SET: variants seen among roughly 807,000 people sequenced by gnomAD.
SET encodes SET nuclear proto-oncogene, also known as protein SET.
A neutral mutation model predicts 39.0 loss-of-function variants in SET; 4 were observed. The ratio of observed to expected loss-of-function variants is 0.10; its 90% CI spans 0.05 to 0.23. The LOEUF (loss-of-function observed/expected upper bound fraction) is 0.23, where lower values mean the gene tolerates loss of function less well. Ranked by LOEUF, SET falls within the 10% of genes least tolerant of loss-of-function variation. The pLI, the probability that SET is intolerant of heterozygous loss-of-function variation, is 1.00. For synonymous variants in SET, 114 were observed against 115.9 expected (o/e 0.98, Z 0.11); for missense variants, 137 against 329.7 (o/e 0.42, Z 4.53).
At chr9:128,687,864 A>G (rs1861342075), upstream of SET, among the ~76,000 whole-genome samples, 1 of 152,192 alleles carries the variant, frequency 6.6e-6, no homozygotes, top group African/African-American at 2.4e-5. Context: ...TGTTGGGATA[A>G]CAGGAGTGAG....
At position 128,683,834 on chromosome 9, in the gene SET, TTC is replaced by T; in HGVS notation, c.-61_-60del. The T allele has an allele frequency of 2.1e-6, 3 of 1,404,794 alleles. No homozygotes were observed. In the South Asian group the frequency reaches 3.9e-5, roughly 18 times the overall value. 87.0% of individuals were successfully genotyped at this position (1,404,794 alleles called of 1,614,324 possible). On this transcript the variant is annotated 5_prime_UTR_variant, in exon 1 of 8. Transcript: ENST00000372692. ...GCTGGCACCTGGGGCAGTCTCAGTG[TTC>T]AGCCTGCTTCCGGACGGGCGAGGAG...
In SET at chr9:128,696,337, A is replaced by G. The variant is rs1195697723; in HGVS notation, c.*1673A>G. 3 of 186,740 alleles carry G rather than the reference A, an allele frequency of 1.6e-5. No individual in the cohort carries two copies. Among genetic ancestry groups the G allele is most frequent in the African/African-American group, 2.3e-5 (1 of 42,842 alleles). The allele number at this position is 186,740 out of a possible 1,614,324, so 11.6% of individuals were successfully genotyped here. On this transcript the variant is annotated 3_prime_UTR_variant, in exon 8 of 8. Transcript: ENST00000322030. ...GCACAGGTCTCTGTTTAGTAAATACATCACTGTATACCGATCAGGAATCTT... is the reference window on the plus strand; with the variant it reads ...GCACAGGTCTCTGTTTAGTAAATACGTCACTGTATACCGATCAGGAATCTT...
Position 128,695,485 on chromosome 9 carries a change from A to G in SET, c.*821A>G, listed in dbSNP as rs1314035269. The G allele has an allele frequency of 4.5e-6, 1 of 222,236 alleles. No homozygotes were observed. Among genetic ancestry groups the G allele is most frequent in the Non-Finnish European group, 9.2e-6 (1 of 108,722 alleles). The allele number at this position is 222,236 out of a possible 1,614,324, so 13.8% of individuals were successfully genotyped here. ...AAGATGATGCTCAGTTTTAAACGTT[A>G]AAAGTGTACAAGTTGCTTTGTTACA... On this transcript the variant is annotated 3_prime_UTR_variant, in exon 8 of 8. Coordinates refer to ENST00000322030, the MANE Select transcript of SET (RefSeq NM_003011.4).
At position 128,696,042 on chromosome 9, in the gene SET, C is replaced by A. The variant is rs1432141856; in HGVS notation, c.*1378C>A. 1 of 224,462 alleles carries A rather than the reference C, an allele frequency of 4.5e-6. No homozygotes were observed. Among genetic ancestry groups the A allele is most frequent in the Admixed American group, 5.7e-5 (1 of 17,596 alleles). 13.9% of individuals were successfully genotyped at this position (224,462 alleles called of 1,614,324 possible). ...ACTGTCCCTGCTTTCTGGTATAAAGCTCTCAAATGTGACCATGTGAATCTG... is the reference window on the plus strand; with the variant it reads ...ACTGTCCCTGCTTTCTGGTATAAAGATCTCAAATGTGACCATGTGAATCTG... On this transcript the variant is annotated 3_prime_UTR_variant, in exon 8 of 8. Transcript: ENST00000322030.
chr9:128,687,212 A>C (rs1378197530), upstream of SET, among the ~76,000 whole-genome samples: 1 of 151,908 alleles, frequency 6.6e-6, no homozygotes, highest in African/African-American at 2.4e-5. Flanking sequence ...TACAAAAATT[A>C]GCTTGGCATG....
In SET at chr9:128,689,324, C is replaced by A; in HGVS notation, c.-259C>A. ...GTGAGGGAGCCGAGCCGCCCGCCGC[C>A]GCCGCCTCCGCCTCCCCTCCGCGAA... On this transcript the variant is annotated 5_prime_UTR_variant, in exon 1 of 8. Transcript: ENST00000322030. The A allele has an allele frequency of 9.7e-7, 1 of 1,035,028 alleles. No individual in the cohort carries two copies. The highest frequency in any genetic ancestry group is 6.9e-5 in the East Asian group (1 of 14,526). The allele number at this position is 1,035,028 out of a possible 1,614,324, so 64.1% of individuals were successfully genotyped here. A position where few individuals can be genotyped will look rare whatever the true frequency, so the allele number is the denominator to read the frequency against.
chr9:128,683,782 A>C, exon 1 of SET: 1 of 825,794 alleles, frequency 1.2e-6, no homozygotes, highest in South Asian at 1.8e-5. Context: ...CCTTCCAGGC[A>C]GGGCGGCTCC....
chr9:128,692,782 T>C lies in SET; in HGVS notation c.378+17T>C, dbSNP rs900643681. ...ATAGATTTTGTAAGTATCTCTAACTTAATCTTGTTTGCCACTGTGGAAATT... is the reference window on the plus strand; with the variant it reads ...ATAGATTTTGTAAGTATCTCTAACTCAATCTTGTTTGCCACTGTGGAAATT... On this transcript the variant is annotated intron_variant, in intron 4 of 7. Coordinates refer to ENST00000322030, the MANE Select transcript of SET (RefSeq NM_003011.4). 2 of 1,562,024 alleles carry C rather than the reference T, an allele frequency of 1.3e-6. No homozygotes were observed. The highest frequency in any genetic ancestry group is 1.7e-5 in the Admixed American group (1 of 59,932).
At position 128,689,246 on chromosome 9, in the gene SET, G is replaced by A. The variant is rs1023869519; in HGVS notation, c.-337G>A. 7.0e-6 allele frequency: 7 copies of A among 1,001,960 alleles called. No homozygotes were observed. The highest frequency in any genetic ancestry group is 1.7e-5 in the African/African-American group (1 of 57,652). 62.1% of individuals were successfully genotyped at this position (1,001,960 alleles called of 1,614,324 possible). A position where few individuals can be genotyped will look rare whatever the true frequency, so the allele number is the denominator to read the frequency against. Reference sequence around the variant, plus strand: ...CCCCTCGCCGTAGGAGGAGGTGGAGGAGGAGGCGGCTCGGGAGAGCGAGCA... The same window carrying A: ...CCCCTCGCCGTAGGAGGAGGTGGAGAAGGAGGCGGCTCGGGAGAGCGAGCA... On this transcript the variant is annotated 5_prime_UTR_variant, in exon 1 of 8. Coordinates refer to ENST00000322030, the MANE Select transcript of SET (RefSeq NM_003011.4).
intron 7 of SET, 61 bp downstream of exon 7, chr9:128,694,103 G>GT: frequency 8.5e-7 from 1 of 1,181,298 alleles, no homozygotes; most frequent in Non-Finnish European, 1.1e-6. Context: ...GTTATTTTGG[G>GT]GTGTATATAT....
In SET at chr9:128,693,098, T is replaced by G. The variant is rs766680302; in HGVS notation, c.492+117T>G. The G allele has an allele frequency of 5.4e-4, 375 of 699,736 alleles. 1 individual carries two copies. The highest frequency in any genetic ancestry group is 2.0e-3 in the Middle Eastern group (8 of 4,080). The allele number at this position is 699,736 out of a possible 1,614,324, so 43.3% of individuals were successfully genotyped here. On this transcript the variant is annotated intron_variant, in intron 5 of 7. Transcript: ENST00000322030. ...TGGCTAAATACAAAACCTTAAAATA[T>G]AAAACGTTCCAGTGTGCTGAAGCCA...
intron 3 of SET, 63 bp downstream of exon 3, chr9:128,692,063 G>T (rs953768072): frequency 7.0e-6 from 11 of 1,578,784 alleles, no homozygotes; most frequent in Admixed American, 3.5e-5. Flanking sequence ...AGGAAGCTTG[G>T]TGAAGACTTA....
upstream of SET, chr9:128,689,186 C>T (rs913171056): frequency 2.5e-5 from 22 of 881,676 alleles, no homozygotes; most frequent in Non-Finnish European, 2.9e-5. Flanking sequence ...GCGGAGCATC[C>T]GCGCGGGGCC....
At chr9:128,683,799 G>A in exon 1 of SET, 1 of 1,094,444 alleles carries the variant, frequency 9.1e-7, no homozygotes, top group Non-Finnish European at 1.3e-6. Flanking sequence ...CTCCAGTGCA[G>A]ATTTAAGCCG....
In SET at chr9:128,694,674, T is replaced by C; in HGVS notation, c.*10T>C. 1.3e-6 allele frequency: 2 copies of C among 1,545,868 alleles called. No homozygotes were observed. The highest frequency in any genetic ancestry group is 1.8e-6 in the Non-Finnish European group (2 of 1,136,214). On this transcript the variant is annotated 3_prime_UTR_variant, in exon 8 of 8. Coordinates refer to ENST00000322030, the MANE Select transcript of SET (RefSeq NM_003011.4). The stretch of plus-strand genomic sequence containing the variant: ...AGGAGAAGATGACTAAATAGAACAC[T>C]GATGGATTCCAACCTTCCTTTTTTT...
At chr9:128,689,045 G>A (rs1040757480), upstream of SET, among the ~76,000 whole-genome samples, 1 of 150,450 alleles carries the variant, frequency 6.6e-6, no homozygotes, top group African/African-American at 2.4e-5. Flanking sequence ...CGCGGCGCGG[G>A]GGGCGGCCGT....
At position 128,689,294 on chromosome 9, in the gene SET, C is replaced by T. The variant is rs1861405981; in HGVS notation, c.-289C>T. On this transcript the variant is annotated 5_prime_UTR_variant, in exon 1 of 8. Transcript: ENST00000322030. ...GCAGCGAGCTGGCTGGATCGCCGAG[C>T]GCGAGTGAGGGAGCCGAGCCGCCCG... is the stretch of plus-strand genomic sequence containing the variant. The T allele has an allele frequency of 2.0e-6, 2 of 1,018,480 alleles. No homozygotes were observed. Among genetic ancestry groups the T allele is most frequent in the Non-Finnish European group, 2.4e-6 (2 of 850,934 alleles). The allele number at this position is 1,018,480 out of a possible 1,614,324, so 63.1% of individuals were successfully genotyped here.
intron 7 of SET, among the ~76,000 whole-genome samples, 187 bp downstream of exon 7, chr9:128,694,229 G>T (rs1433117673): frequency 6.7e-6 from 1 of 149,748 alleles, no homozygotes; most frequent in African/African-American, 2.4e-5. Context: ...GTTTAACTAG[G>T]TTTTTTTTGG....
upstream of SET, among the ~76,000 whole-genome samples, chr9:128,685,976 G>T (rs1177194946): frequency 6.6e-6 from 1 of 151,830 alleles, no homozygotes; most frequent in East Asian, 1.9e-4. Context: ...GCAATGAGCC[G>T]AGTTCGTGCC....
Sources: gnomAD v4.1 joint callset for allele counts (sites outside exome capture counted in the v4.1 genomes callset) on GRCh38, gnomAD v4.1.1 for gene constraint, MANE v1.5 for transcripts, NCBI Gene and HGNC (gene_info 2026-07-23, HGNC 2026-07-21) for gene names.